The following CEP112 variants were observed in gnomAD, a reference collection of about 807,000 sequenced individuals.
CEP112 encodes the protein centrosomal protein of 112 kDa.
CEP112 carries 127 observed loss-of-function variants against 153.0 expected under a neutral mutation model. The ratio of observed to expected loss-of-function variants is 0.83; its 90% CI spans 0.72 to 0.96. The LOEUF is 0.96. Among genes scored for constraint, CEP112 ranks in the 40% least tolerant of loss-of-function variants. The probability of loss-of-function intolerance (pLI) is 0.00; values close to 1 mark genes in which losing one functional copy is unlikely to be tolerated. For synonymous variants in CEP112, 358 were observed against 374.4 expected (o/e 0.96, Z 0.51); for missense variants, 1,089 against 1,101.2 (o/e 0.99, Z 0.16).
chr17:65,670,032 C>T (rs1325712093), intron 24 of CEP112, among the ~76,000 whole-genome samples: 16 of 152,070 alleles, frequency 1.1e-4, no homozygotes, highest in Admixed American at 1.0e-3. Context: ...ATTTATCTTA[C>T]AGTCGAAGGC....
intron 19 of CEP112, among the ~76,000 whole-genome samples, chr17:65,916,287 G>GTGTGTGTA (rs138734881): frequency 3.9e-4 from 57 of 147,584 alleles, no homozygotes; most frequent in Admixed American, 1.4e-3. Context: ...GTGTGTGTGT[G>GTGTGTGTA]TGTGTATGTG....
intron 23 of CEP112, among the ~76,000 whole-genome samples, chr17:65,721,519 G>A (rs2049885951): frequency 6.6e-6 from 1 of 152,170 alleles, no homozygotes; most frequent in Non-Finnish European, 1.5e-5. Flanking sequence ...CAAAAATAAA[G>A]AATGCTGCTG....
intron 8 of CEP112, among the ~76,000 whole-genome samples, chr17:66,093,003 G>T (rs1459182188): frequency 6.6e-6 from 1 of 152,042 alleles, no homozygotes; most frequent in Non-Finnish European, 1.5e-5. Context: ...CATAGTACTG[G>T]TGGTCCTAGC....
chr17:65,850,152 T>A (rs1598773245), intron 21 of CEP112, among the ~76,000 whole-genome samples: 1 of 78,366 alleles, frequency 1.3e-5, no homozygotes, highest in Non-Finnish European at 2.3e-5. Flanking sequence ...AGACTCTGTC[T>A]CAAAAAAAAA....
chr17:66,154,709 G>GT (rs2071361282), intron 4 of CEP112, among the ~76,000 whole-genome samples: 1 of 151,384 alleles, frequency 6.6e-6, no homozygotes, highest in Admixed American at 6.6e-5. Flanking sequence ...CTCTGATCTT[G>GT]TAACAGGCGA....
intron 24 of CEP112, among the ~76,000 whole-genome samples, chr17:65,685,065 T>A (rs1444968260): frequency 6.6e-6 from 1 of 152,228 alleles, no homozygotes; most frequent in East Asian, 1.9e-4. Context: ...GTTATTTCTC[T>A]TGAATCTGCC....
intron 17 of CEP112, among the ~76,000 whole-genome samples, chr17:65,993,975 T>C (rs1006629314): frequency 3.4e-5 from 5 of 149,040 alleles, no homozygotes; most frequent in African/African-American, 9.9e-5. Flanking sequence ...ATAAAAACCA[T>C]GAGACTGCAG....
At chr17:65,964,382 AT>A (rs1286601750) in intron 17 of CEP112, among the ~76,000 whole-genome samples, 1 of 152,216 alleles carries the variant, frequency 6.6e-6, no homozygotes, top group Non-Finnish European at 1.5e-5. Context: ...GCTATAAAGA[AT>A]TTTAAATTGT....
At chr17:66,019,190 C>T (rs2064894084) in intron 16 of CEP112, among the ~76,000 whole-genome samples, 1 of 152,152 alleles carries the variant, frequency 6.6e-6, no homozygotes, top group African/African-American at 2.4e-5. Flanking sequence ...TCCTGTCCTG[C>T]TGCTGTCTCA....
intron 6 of CEP112, among the ~76,000 whole-genome samples, chr17:66,118,450 A>G (rs938854654): frequency 6.6e-6 from 1 of 152,130 alleles, no homozygotes; most frequent in East Asian, 1.9e-4. Flanking sequence ...TAAGGCAAGC[A>G]CAGAAAGACA....
chr17:66,078,310 G>A (rs1367992052), intron 8 of CEP112, among the ~76,000 whole-genome samples: 1 of 143,308 alleles, frequency 7.0e-6, no homozygotes, highest in Admixed American at 7.1e-5. Context: ...CCATGCTGAA[G>A]TGCAGTGACA....
chr17:66,053,173 G>GA (rs2066515775), intron 12 of CEP112, among the ~76,000 whole-genome samples: 1 of 150,668 alleles, frequency 6.6e-6, no homozygotes, highest in Non-Finnish European at 1.5e-5. Flanking sequence ...AAAACAAGAA[G>GA]AAAAAAGATT....
At chr17:65,687,145 G>A (rs1026451259) in intron 24 of CEP112, among the ~76,000 whole-genome samples, 44 of 149,490 alleles carry the variant, frequency 2.9e-4, no homozygotes, top group Non-Finnish European at 4.9e-4. Context: ...ATTTGATAAG[G>A]TATAGTTATT....
intron 6 of CEP112, among the ~76,000 whole-genome samples, chr17:66,116,617 G>T (rs1170671373): frequency 1.3e-5 from 2 of 152,016 alleles, no homozygotes; most frequent in African/African-American, 4.8e-5. Flanking sequence ...ATGAAAACAC[G>T]GAAAGGGAAC....
chr17:65,779,374 A>G (rs939375272), intron 21 of CEP112, among the ~76,000 whole-genome samples: 3 of 152,322 alleles, frequency 2.0e-5, no homozygotes, highest in Admixed American at 2.0e-4. Context: ...AAGTGAGCAA[A>G]CATTTGTGTA....
At chr17:65,965,518 CT>C (rs1555734628) in intron 17 of CEP112, among the ~76,000 whole-genome samples, 2,800 of 122,042 alleles carry the variant, frequency 0.023, 31 homozygotes, top group Admixed American at 0.031. Flanking sequence ...CTTCTGCCCC[CT>C]TTTTTTTTTT....
intron 17 of CEP112, among the ~76,000 whole-genome samples, chr17:65,967,499 C>T (rs1380262080): frequency 6.6e-6 from 1 of 151,980 alleles, no homozygotes; most frequent in Non-Finnish European, 1.5e-5. Context: ...AACATGGTTC[C>T]TATCTTGCAA....
intron 21 of CEP112, among the ~76,000 whole-genome samples, chr17:65,756,994 AGGTCATAAGGGTGG>A (rs2052326170): frequency 6.6e-6 from 1 of 152,160 alleles, no homozygotes; most frequent in African/African-American, 2.4e-5. Context: ...AGGCAAAATG[AGGTCATAAGGGTGG>A]GGCCCTACTC....
chr17:65,947,253 A>G (rs1226969773), intron 18 of CEP112, among the ~76,000 whole-genome samples: 2 of 120,586 alleles, frequency 1.7e-5, no homozygotes, highest in East Asian at 1.6e-3. Context: ...TATTATAATC[A>G]TACACCTTTA....
Sources: gnomAD v4.1 joint callset for allele counts (sites outside exome capture counted in the v4.1 genomes callset) on GRCh38, gnomAD v4.1.1 for gene constraint, MANE v1.5 for transcripts, NCBI Gene and HGNC (gene_info 2026-07-23, HGNC 2026-07-21) for gene names.